Variants in DPF3 observed in about 807,000 individuals in gnomAD.
DPF3 encodes the protein double PHD fingers 3.
DPF3 carries 18 observed loss-of-function variants against 56.8 expected under a neutral mutation model. The observed-to-expected ratio is 0.32, with a 90% CI of 0.22 to 0.47. The LOEUF (loss-of-function observed/expected upper bound fraction) is 0.47, where lower values mean the gene tolerates loss of function less well. Among genes scored for constraint, DPF3 ranks in the 20% least tolerant of loss-of-function variants. The probability of loss-of-function intolerance (pLI) is 1.00; values close to 1 mark genes in which losing one functional copy is unlikely to be tolerated. For synonymous variants in DPF3, 188 were observed against 180.2 expected, an observed-to-expected ratio of 1.04 and a Z score of -0.35; for missense variants, 403 against 488.8, an observed-to-expected ratio of 0.82 and a Z score of 1.65.
chr14:72,672,748 G>A (rs1886744585), intron 8 of DPF3, among the ~76,000 whole-genome samples: 1 of 152,140 alleles, frequency 6.6e-6, no homozygotes, highest in Admixed American at 6.5e-5. Flanking sequence ...AGAAATTACA[G>A]CAGTTTGCAA....
chr14:72,746,444 G>T (rs577299665), intron 3 of DPF3, among the ~76,000 whole-genome samples: 274 of 152,360 alleles, frequency 1.8e-3, no homozygotes, highest in African/African-American at 6.4e-3. Flanking sequence ...ATTGGGAAAT[G>T]ACAAGCATCT....
intron 8 of DPF3, among the ~76,000 whole-genome samples, chr14:72,657,374 T>C (rs973981424): frequency 6.6e-6 from 1 of 152,224 alleles, no homozygotes; most frequent in African/African-American, 2.4e-5. Flanking sequence ...GTCGCTGTTA[T>C]GCATTGCTGG....
At chr14:72,644,353 C>A (rs967037015) in intron 8 of DPF3, among the ~76,000 whole-genome samples, 8 of 152,200 alleles carry the variant, frequency 5.3e-5, no homozygotes, top group African/African-American at 1.9e-4. Flanking sequence ...CTGTTTCCAT[C>A]GGCCAAATTT....
intron 8 of DPF3, chr14:72,669,812 G>T: frequency 1.2e-6 from 1 of 809,870 alleles, no homozygotes; most frequent in Non-Finnish European, 1.5e-6. Flanking sequence ...CACTCCAGCA[G>T]CCACTCTTAC....
rs976081670 is a variant in DPF3, at chr14:72,821,133, C to CAA, written c.33-49242_33-49241dup. Among the ~76,000 whole-genome samples, 993 of 116,872 alleles carry CAA rather than the reference C, an allele frequency of 8.5e-3. 11 individuals carry two copies. The highest frequency in any genetic ancestry group is 0.032 in the African/African-American group (927 of 29,338). 76.7% of individuals were successfully genotyped at this position (116,872 alleles called of 152,430 possible). A position where few individuals can be genotyped will look rare whatever the true frequency, so the allele number is the denominator to read the frequency against. ...TGGGCAACAGAGTGAAACTCTATCT[C>CAA]AAAAAAAAAAAAAAAAAATTAGCGG... On this transcript the variant is annotated intron_variant, in intron 1 of 10. Coordinates refer to ENST00000556509, the MANE Select transcript of DPF3 (RefSeq NM_001280542.3).
intron 1 of DPF3, among the ~76,000 whole-genome samples, chr14:72,883,717 C>G (rs566109036): frequency 1.3e-5 from 2 of 152,248 alleles, no homozygotes; most frequent in East Asian, 1.9e-4. Context: ...CACTTGAGGT[C>G]AGGAGATCGA....
At chr14:72,851,047 A>G (rs1884964620) in intron 1 of DPF3, among the ~76,000 whole-genome samples, 1 of 152,226 alleles carries the variant, frequency 6.6e-6, no homozygotes. Context: ...CTTTTCAAGA[A>G]GCCAGGAATA....
chr14:72,638,946 AG>A (rs1408858904), intron 8 of DPF3, among the ~76,000 whole-genome samples: 2 of 151,660 alleles, frequency 1.3e-5, no homozygotes, highest in Non-Finnish European at 2.9e-5. Context: ...CCTCCTGAGT[AG>A]CTGGGACTAC....
Position 72,615,453 on chromosome 14 carries a change from G to A in DPF3, c.*3844C>T, listed in dbSNP as rs146805484. 4.6e-5 allele frequency among the ~76,000 whole-genome samples: 7 copies of A among 152,324 alleles called. No homozygotes were observed. The highest frequency in any genetic ancestry group is 3.9e-4 in the East Asian group (2 of 5,184). On this transcript the variant is annotated 3_prime_UTR_variant, in exon 11 of 11. Coordinates refer to ENST00000556509, the MANE Select transcript of DPF3 (RefSeq NM_001280542.3). ...TTTAAGCGGAGGGTTGAAAGGAAGCGGGCTGTATTCAAAGCACGAATACAA... is the reference window on the plus strand; with the variant it reads ...TTTAAGCGGAGGGTTGAAAGGAAGCAGGCTGTATTCAAAGCACGAATACAA...
chr14:72,856,380 T>C (rs551554230), intron 1 of DPF3, among the ~76,000 whole-genome samples: 2 of 152,284 alleles, frequency 1.3e-5, no homozygotes, highest in East Asian at 1.9e-4. Flanking sequence ...GTCAATTTAC[T>C]CAGGGATCCA....
intron 1 of DPF3, among the ~76,000 whole-genome samples, chr14:72,796,626 C>T (rs1447834226): frequency 6.6e-6 from 1 of 152,184 alleles, no homozygotes; most frequent in African/African-American, 2.4e-5. Context: ...ATGTCTCAGA[C>T]ACTACAATAA....
At chr14:72,842,056 C>CA (rs1346085732) in intron 1 of DPF3, among the ~76,000 whole-genome samples, 1 of 149,288 alleles carries the variant, frequency 6.7e-6, no homozygotes, top group Non-Finnish European at 1.5e-5. Context: ...CACTGCACTC[C>CA]AGCCTGGATG....
rs371677782 is a variant in DPF3, at chr14:72,745,125, G to C, written c.301+8139C>G. On this transcript the variant is annotated intron_variant, in intron 3 of 10. Coordinates refer to ENST00000556509, the MANE Select transcript of DPF3 (RefSeq NM_001280542.3). ...GAGGGGCACCATGGGTGGGTGGGTTGGTTGGTTGGGTTCTTTCCAACATAA... is the reference window on the plus strand; with the variant it reads ...GAGGGGCACCATGGGTGGGTGGGTTCGTTGGTTGGGTTCTTTCCAACATAA... Among the ~76,000 whole-genome samples, 215 of 152,270 alleles carry C rather than the reference G, an allele frequency of 1.4e-3. 1 individual carries two copies. Among genetic ancestry groups the C allele is most frequent in the Non-Finnish European group, 2.6e-3 (177 of 68,016 alleles).
chr14:72,798,491 A>C (rs1567236273), intron 1 of DPF3, among the ~76,000 whole-genome samples: 2 of 152,150 alleles, frequency 1.3e-5, no homozygotes, highest in Non-Finnish European at 2.9e-5. Flanking sequence ...AGTGGAGAAA[A>C]CTATTGCTCA....
At chr14:72,697,554 G>C (rs183524191) in intron 6 of DPF3, among the ~76,000 whole-genome samples, 6 of 152,300 alleles carry the variant, frequency 3.9e-5, no homozygotes, top group African/African-American at 1.2e-4. Flanking sequence ...GGAGCGGTGG[G>C]GGTGGATGTG....
rs1206169792 is a variant in DPF3 at position 72,612,451 on chromosome 14, A to T, written c.*6846T>A. On this transcript the variant is annotated 3_prime_UTR_variant, in exon 11 of 11. Coordinates refer to ENST00000556509, the MANE Select transcript of DPF3 (RefSeq NM_001280542.3). ...TGTCCTTTTTTTTTTTCTAGTACCT[A>T]ATTTAGGCTTCTTCAACTACATGTT... 3.9e-6 allele frequency: 2 copies of T among 516,230 alleles called. No homozygotes were observed. Among genetic ancestry groups the T allele is most frequent in the Admixed American group, 3.9e-5 (2 of 51,306 alleles). 32.0% of individuals were successfully genotyped at this position (516,230 alleles called of 1,614,324 possible).
intron 1 of DPF3, among the ~76,000 whole-genome samples, chr14:72,854,056 T>C (rs1050029674): frequency 5.3e-5 from 8 of 152,152 alleles, no homozygotes; most frequent in Admixed American, 2.6e-4. Context: ...ATCTCTCCTG[T>C]TATTAAAGTC....
At chr14:72,868,611 C>A (rs987462622) in intron 1 of DPF3, among the ~76,000 whole-genome samples, 1 of 152,042 alleles carries the variant, frequency 6.6e-6, no homozygotes, top group Admixed American at 6.6e-5. Context: ...CTTGAGAAAA[C>A]CAAAGGAAAA....
At chr14:72,675,297 T>C (rs895586711) in intron 7 of DPF3, 1 of 152,220 alleles carries the variant, frequency 6.6e-6, no homozygotes, top group African/African-American at 2.4e-5. Flanking sequence ...ACAGATTATT[T>C]GCATGGAGAG....
Sources: allele counts gnomAD v4.1 joint callset (sites outside exome capture counted in the v4.1 genomes callset), GRCh38; gene constraint gnomAD v4.1.1; transcripts MANE v1.5; gene names NCBI Gene and HGNC (gene_info 2026-07-23, HGNC 2026-07-21).